PLA2R1: variants seen among roughly 807,000 people sequenced by gnomAD.
The protein encoded by PLA2R1 is secretory phospholipase A2 receptor.
PLA2R1 carries 158 observed loss-of-function variants against 195.9 expected under a neutral mutation model. The observed-to-expected ratio is 0.81, with a 90% CI of 0.71 to 0.92. The LOEUF is 0.92. PLA2R1 is among the 40% of genes least tolerant of loss of function. The pLI is 0.00. For missense variants in PLA2R1, 1,626 were observed against 1,764.6 expected, an observed-to-expected ratio of 0.92 and a Z score of 1.41; for synonymous variants, 586 against 598.2, an observed-to-expected ratio of 0.98 and a Z score of 0.30.
At position 159,944,974 on chromosome 2, in the gene PLA2R1, A is replaced by T; in HGVS notation, c.4076T>A (p.Ile1359Asn). ...GGATAGCTGCCATAATCCTTCAGGG[A>T]TCCTCAAGGCAACACAATGATGGGG... The part of the protein sequence containing the change: ...FKPHHCVALR[I>N]PEGLWQLSPC... Residue 1359 changes from isoleucine to asparagine, a missense_variant, in exon 28 of 30, where the codon ATC becomes AAC. Coordinates refer to ENST00000283243, the MANE Select transcript of PLA2R1 (RefSeq NM_007366.5). 1 of 1,613,376 alleles carries T rather than the reference A, an allele frequency of 6.2e-7. No homozygotes were observed. The highest frequency in any genetic ancestry group is 8.5e-7 in the Non-Finnish European group (1 of 1,179,496).
intron 11 of PLA2R1, among the ~76,000 whole-genome samples, chr2:160,004,370 C>T (rs1315036798): frequency 3.3e-5 from 5 of 152,180 alleles, no homozygotes; most frequent in Non-Finnish European, 5.9e-5. Context: ...TTGCCAACCA[C>T]TGTCTAGAGT....
At position 159,951,594 on chromosome 2, in the gene PLA2R1, C is replaced by T; in HGVS notation, c.3302-16G>A. 1 of 1,270,508 alleles carries T rather than the reference C, an allele frequency of 7.9e-7. No individual in the cohort carries two copies. The highest frequency in any genetic ancestry group is 1.2e-6 in the Non-Finnish European group (1 of 865,200). The allele number at this position is 1,270,508 out of a possible 1,614,324, so 78.7% of individuals were successfully genotyped here. Reference sequence around the variant, plus strand: ...CCAGAAGTATCTAGAACAAGAACAGCAACAAAAGTCATTTGCAGCATCTGG... The same window carrying T: ...CCAGAAGTATCTAGAACAAGAACAGTAACAAAAGTCATTTGCAGCATCTGG... On this transcript the variant is annotated splice_polypyrimidine_tract_variant and intron_variant, in intron 23 of 29. Coordinates refer to ENST00000283243, the MANE Select transcript of PLA2R1 (RefSeq NM_007366.5).
intron 7 of PLA2R1, among the ~76,000 whole-genome samples, chr2:160,020,617 T>G (rs1344327043): frequency 6.6e-6 from 1 of 152,048 alleles, no homozygotes; most frequent in Admixed American, 6.6e-5. Context: ...GGTGGCTTTA[T>G]AAGAGGAGGA....
chr2:160,014,238 T>C (rs1186264603), intron 9 of PLA2R1, among the ~76,000 whole-genome samples: 10 of 150,462 alleles, frequency 6.6e-5, no homozygotes, highest in Non-Finnish European at 1.0e-4. Context: ...TTCTTTCTTT[T>C]TTTTTTTTTT....
In PLA2R1 at chr2:160,028,897, C is replaced by A; in HGVS notation, c.908G>T (p.Trp303Leu). 2 of 1,613,072 alleles carry A rather than the reference C, an allele frequency of 1.2e-6. No individual in the cohort carries two copies. The highest frequency in any genetic ancestry group is 2.2e-5 in the South Asian group (2 of 91,052). ...GLNQLDEHAG[W>L]QWSDGTPLNY... Reference sequence around the variant, plus strand: ...GAGCGGCGTTCCATCAGACCACTGCCAGCCAGCGTGTTCATCCAGCTGATT... The same window carrying A: ...GAGCGGCGTTCCATCAGACCACTGCAAGCCAGCGTGTTCATCCAGCTGATT... Residue 303 changes from tryptophan to leucine, a missense_variant, in exon 5 of 30, where the codon TGG becomes TTG. Trp to Leu is a moderately conservative substitution (Grantham distance 61, BLOSUM62 -2). Coordinates refer to ENST00000283243, the MANE Select transcript of PLA2R1 (RefSeq NM_007366.5).
In PLA2R1 at chr2:159,998,410, T is replaced by G. The variant is rs141154923; in HGVS notation, c.1834+7242A>C. Among the ~76,000 whole-genome samples, 25 of 152,240 alleles carry G rather than the reference T, an allele frequency of 1.6e-4. 1 individual carries two copies. Among genetic ancestry groups the G allele is most frequent in the Admixed American group, 1.6e-3 (25 of 15,274 alleles). The stretch of plus-strand genomic sequence containing the variant: ...AGATTAAATAACTTCCCTGAGATCA[T>G]AGAGCTGGAATTTGAACTTTAGTTC... On this transcript the variant is annotated intron_variant, in intron 11 of 29. Transcript: ENST00000283243.
chr2:159,930,596 TTCTC>T (rs1264784207), downstream of PLA2R1, among the ~76,000 whole-genome samples: 2 of 152,118 alleles, frequency 1.3e-5, no homozygotes, highest in South Asian at 2.1e-4. Flanking sequence ...GAGTCAGACT[TTCTC>T]TCAGTGCCAG....
chr2:160,044,053 A>T (rs1017077571), intron 2 of PLA2R1, among the ~76,000 whole-genome samples: 3 of 151,922 alleles, frequency 2.0e-5, no homozygotes, highest in African/African-American at 7.3e-5. Flanking sequence ...GGATGGATGG[A>T]TGGATAGATA....
intron 3 of PLA2R1, among the ~76,000 whole-genome samples, chr2:160,038,893 A>C (rs1694341222): frequency 6.6e-6 from 1 of 151,904 alleles, no homozygotes; most frequent in African/African-American, 2.4e-5. Flanking sequence ...GCGGCGACAG[A>C]GTCTTGCTCT....
chr2:160,061,932 T>C (rs556087196), intron 1 of PLA2R1, among the ~76,000 whole-genome samples: 1 of 152,220 alleles, frequency 6.6e-6, no homozygotes, highest in South Asian at 2.1e-4. Flanking sequence ...CCGTCCCAAA[T>C]AAGCAGCTCT....
chr2:160,051,849 G>T (rs992105874), intron 1 of PLA2R1, among the ~76,000 whole-genome samples: 1 of 152,178 alleles, frequency 6.6e-6, no homozygotes, highest in African/African-American at 2.4e-5. Context: ...CTCTCTCTCT[G>T]CATGGAAATG....
chr2:159,970,309 T>C, intron 17 of PLA2R1, 97 bp from the exon 18 acceptor site: 1 of 722,526 alleles, frequency 1.4e-6, no homozygotes, highest in Non-Finnish European at 2.3e-6. Context: ...TATTCTTCAG[T>C]ATTTTACCCA....
At chr2:160,004,284 G>A (rs1296367613) in intron 11 of PLA2R1, among the ~76,000 whole-genome samples, 1 of 152,232 alleles carries the variant, frequency 6.6e-6, no homozygotes, top group Non-Finnish European at 1.5e-5. Flanking sequence ...CTGGGCAAAT[G>A]AGGTATATGG....
chr2:159,946,105 T>G (rs1373926301), intron 27 of PLA2R1: 1 of 803,950 alleles, frequency 1.2e-6, no homozygotes, highest in African/African-American at 1.9e-5. Context: ...CCATCCCATG[T>G]GTGGGCAATA....
intron 20 of PLA2R1, among the ~76,000 whole-genome samples, chr2:159,963,367 G>C (rs1036848282): frequency 6.6e-6 from 1 of 152,132 alleles, no homozygotes; most frequent in Non-Finnish European, 1.5e-5. Flanking sequence ...AAGCACAAGT[G>C]ACGGAAGAAA....
intron 8 of PLA2R1, among the ~76,000 whole-genome samples, chr2:160,018,023 A>G (rs1311277492): frequency 6.6e-6 from 1 of 152,182 alleles, no homozygotes; most frequent in Non-Finnish European, 1.5e-5. Flanking sequence ...GTCAACTGTG[A>G]TTGGGGAACT....
chr2:160,062,584 T>G lies in PLA2R1; in HGVS notation c.-181A>C, dbSNP rs113580736. On this transcript the variant is annotated 5_prime_UTR_variant, in exon 1 of 30. Coordinates refer to ENST00000283243, the MANE Select transcript of PLA2R1 (RefSeq NM_007366.5). The stretch of plus-strand genomic sequence containing the variant: ...CCCTGGAGACCCACTCCGCCACCGC[T>G]GTCTCCACAGTGAACCGACACTCGG... The G allele has an allele frequency of 1.6e-3, 1,746 of 1,117,316 alleles. 24 individuals carry two copies. The African/African-American group carries it at 0.026, about 17-fold the overall frequency. The allele number at this position is 1,117,316 out of a possible 1,614,324, so 69.2% of individuals were successfully genotyped here. A position where few individuals can be genotyped will look rare whatever the true frequency, so the allele number is the denominator to read the frequency against.
At chr2:160,022,615 T>C (rs960355851) in intron 7 of PLA2R1, 50 bp downstream of exon 7, 9 of 1,053,686 alleles carry the variant, frequency 8.5e-6, no homozygotes, top group Non-Finnish European at 1.2e-5. Context: ...ATAAAAGTAG[T>C]TACTACATTA....
chr2:160,042,534 C>T (rs2715924), intron 2 of PLA2R1, among the ~76,000 whole-genome samples: 125,365 of 152,166 alleles, frequency 0.82, 52,006 homozygotes, highest in East Asian at 0.96. Context: ...AGTCGCCAAA[C>T]ACATCAGCCA....
Sources: gnomAD v4.1 joint callset for allele counts (sites outside exome capture counted in the v4.1 genomes callset) on GRCh38, gnomAD v4.1.1 for gene constraint, MANE v1.5 for transcripts, NCBI Gene and HGNC (gene_info 2026-07-23, HGNC 2026-07-21) for gene names.